Variants in TPM4 observed in about 807,000 individuals in gnomAD.
TPM4 encodes tropomyosin 4, also known as tropomyosin alpha-4 chain.
A neutral mutation model predicts 35.8 loss-of-function variants in TPM4; 17 were observed. The observed-to-expected ratio is 0.47, with a 90% CI of 0.32 to 0.71. The LOEUF (loss-of-function observed/expected upper bound fraction) is 0.71, where lower values mean the gene tolerates loss of function less well. Ranked by LOEUF, TPM4 falls within the 30% of genes least tolerant of loss-of-function variation. TPM4 has a pLI of 0.03. For missense variants in TPM4, 240 were observed against 320.9 expected, an observed-to-expected ratio of 0.75 and a Z score of 1.93; for synonymous variants, 120 against 122.9, an observed-to-expected ratio of 0.98 and a Z score of 0.15.
At chr19:16,078,848 A>AAC (rs1555707585) in intron 1 of TPM4, among the ~76,000 whole-genome samples, 1 of 151,438 alleles carries the variant, frequency 6.6e-6, no homozygotes, top group African/African-American at 2.4e-5. Context: ...AAAAAAAAAA[A>AAC]ACCTTTCACT....
chr19:16,077,545 T>A (rs1356515010), intron 1 of TPM4: 1 of 152,234 alleles, frequency 6.6e-6, no homozygotes, highest in Admixed American at 6.5e-5. Flanking sequence ...TCGGGACAGA[T>A]GGTGGCACCG....
At chr19:16,101,197 T>G in intron 7 of TPM4, 67 bp from the exon 8 acceptor site, 1 of 1,326,396 alleles carries the variant, frequency 7.5e-7, no homozygotes, top group Non-Finnish European at 1.0e-6. Flanking sequence ...AACAAATCTT[T>G]TTTTTTCTTT....
intron 1 of TPM4, chr19:16,078,079 G>T (rs987811886): frequency 1.0e-5 from 4 of 398,380 alleles, no homozygotes; most frequent in Non-Finnish European, 1.3e-5. Context: ...AGCCTCAATT[G>T]TGTTTTCTCT....
chr19:16,069,869 AG>A (rs1191101353), intron 2 of TPM4, among the ~76,000 whole-genome samples: 1 of 151,580 alleles, frequency 6.6e-6, no homozygotes, highest in Non-Finnish European at 1.5e-5. Flanking sequence ...TATGGATGTG[AG>A]GGGGGCTGTG....
At chr19:16,076,012 C>CCG, upstream of TPM4, 1 of 1,591,694 alleles carries the variant, frequency 6.3e-7, no homozygotes, top group Admixed American at 1.7e-5. Flanking sequence ...GACCCCCCCC[C>CCG]CAGGCTGACC....
At position 16,076,504 on chromosome 19, in the gene TPM4, T is replaced by C; in HGVS notation, c.-62T>C. On this transcript the variant is annotated 5_prime_UTR_variant, in exon 1 of 8. Transcript: ENST00000643579. ...GGGCCGGGGCGCGGCTGTGCAGCTCTCGCCGGAGCCGAGCCCAGCCGAGCG... is the reference window on the plus strand; with the variant it reads ...GGGCCGGGGCGCGGCTGTGCAGCTCCCGCCGGAGCCGAGCCCAGCCGAGCG... 1 of 1,356,534 alleles carries C rather than the reference T, an allele frequency of 7.4e-7. No individual in the cohort carries two copies. Among genetic ancestry groups the C allele is most frequent in the African/African-American group, 1.5e-5 (1 of 65,040 alleles). 84.0% of individuals were successfully genotyped at this position (1,356,534 alleles called of 1,614,324 possible).
chr19:16,088,831 C>A, intron 4 of TPM4: 1 of 1,341,280 alleles, frequency 7.5e-7, no homozygotes, highest in Non-Finnish European at 9.6e-7. Context: ...ACTCTTCGGG[C>A]GCACCTCGCC....
chr19:16,075,976 G>A, upstream of TPM4: 5 of 1,541,464 alleles, frequency 3.2e-6, no homozygotes, highest in South Asian at 6.1e-5. Context: ...ATATTGGGGG[G>A]GACCGCCCCT....
At chr19:16,096,341 C>T (rs780850141) in intron 7 of TPM4, among the ~76,000 whole-genome samples, 13 of 152,326 alleles carry the variant, frequency 8.5e-5, no homozygotes, top group African/African-American at 2.9e-4. Context: ...GCTGCAATTA[C>T]AGGCATGAGC....
intron 1 of TPM4, among the ~76,000 whole-genome samples, chr19:16,078,761 G>GATGC (rs2090443699): frequency 6.6e-6 from 1 of 150,906 alleles, no homozygotes; most frequent in Non-Finnish European, 1.5e-5. Context: ...AAAAGCAAAG[G>GATGC]ATGCTTCTTT....
At chr19:16,081,371 C>T in intron 1 of TPM4, 2 of 294,458 alleles carry the variant, frequency 6.8e-6, no homozygotes, top group Non-Finnish European at 1.2e-5. Context: ...GTTGACTCAA[C>T]TACCCATCTT....
intron 2 of TPM4, among the ~76,000 whole-genome samples, chr19:16,068,149 G>GGT (rs967990903): frequency 1.4e-5 from 2 of 146,186 alleles, no homozygotes; most frequent in East Asian, 1.9e-4. Flanking sequence ...GTTTGCCTCT[G>GGT]GTGTGTGTGT....
intron 7 of TPM4, among the ~76,000 whole-genome samples, chr19:16,094,451 C>T (rs536829453): frequency 1.8e-3 from 278 of 151,704 alleles, no homozygotes; most frequent in Non-Finnish European, 3.4e-3. Context: ...AGGGAGAATC[C>T]CTTGAACCTG....
chr19:16,073,938 T>TAAAAAAAAAAAAAAAAAAAAAAAG (rs71178637), upstream of TPM4, among the ~76,000 whole-genome samples: 1 of 35,634 alleles, frequency 2.8e-5, no homozygotes, highest in African/African-American at 1.1e-4. Flanking sequence ...GAAGACCATG[T>TAAAAAAAAAAAAAAAAAAAAAAAG]AAAAAAAAAA....
At chr19:16,069,562 C>T (rs1393262372) in intron 2 of TPM4, among the ~76,000 whole-genome samples, 10 of 17,050 alleles carry the variant, frequency 5.9e-4, no homozygotes, top group Admixed American at 3.8e-3. Flanking sequence ...GTGTGTGTTT[C>T]TATTGGTGTG....
Position 16,101,952 on chromosome 19 carries a change from G to GTAGA in TPM4, c.*607_*610dup. On this transcript the variant is annotated 3_prime_UTR_variant, in exon 8 of 8. Coordinates refer to ENST00000643579, the MANE Select transcript of TPM4 (RefSeq NM_003290.3). ...ACAAACATCTTCTCAAGCAGTCAAC[G>GTAGA]TAGAATGCTTGGGAAATAGTCATAA... is the stretch of plus-strand genomic sequence containing the variant. The GTAGA allele has an allele frequency of 4.5e-6, 1 of 222,864 alleles. No homozygotes were observed. Among genetic ancestry groups the GTAGA allele is most frequent in the East Asian group, 6.6e-5 (1 of 15,240 alleles). 13.8% of individuals were successfully genotyped at this position (222,864 alleles called of 1,614,324 possible).
chr19:16,082,441 G>A (rs900768904), intron 2 of TPM4, among the ~76,000 whole-genome samples: 2 of 152,224 alleles, frequency 1.3e-5, no homozygotes, highest in African/African-American at 4.8e-5. Flanking sequence ...AACCCAGGAG[G>A]CAGAGGCTGC....
intron 5 of TPM4, 54 bp from the exon 6 acceptor site, chr19:16,093,482 C>T (rs901164840): frequency 9.4e-6 from 15 of 1,595,826 alleles, no homozygotes; most frequent in Non-Finnish European, 1.3e-5. Context: ...GCATGAGCCA[C>T]CATGCCTGGC....
intron 1 of TPM4, chr19:16,079,826 AG>A (rs2090460718): frequency 5.7e-6 from 1 of 176,398 alleles, no homozygotes; most frequent in Non-Finnish European, 1.2e-5. Context: ...CAGCCTCCCA[AG>A]TAGCTGGGAT....
Sources: gnomAD v4.1 joint callset for allele counts (sites outside exome capture counted in the v4.1 genomes callset) on GRCh38, gnomAD v4.1.1 for gene constraint, MANE v1.5 for transcripts, NCBI Gene and HGNC (gene_info 2026-07-23, HGNC 2026-07-21) for gene names.